BARD1: variants seen among roughly 807,000 people sequenced by gnomAD.
BARD1 encodes the protein BRCA1 associated RING domain 1, also known as BRCA1-associated RING domain protein 1.
BARD1 carries 73 observed loss-of-function variants against 77.0 expected under a neutral mutation model. The observed-to-expected ratio is 0.95, with a 90% CI of 0.79 to 1.15. BARD1 has a LOEUF of 1.15. Ranked by LOEUF, BARD1 falls within the 50% of genes most tolerant of loss-of-function variation. The probability of loss-of-function intolerance (pLI) is 0.00; values close to 1 mark genes in which losing one functional copy is unlikely to be tolerated. For synonymous variants in BARD1, 384 were observed against 338.0 expected (o/e 1.14, Z -1.49); for missense variants, 993 against 938.8 (o/e 1.06, Z -0.75).
At chr2:214,792,150 T>TAAA (rs536345234) in intron 3 of BARD1, 147 bp downstream of exon 3, 2,232 of 568,330 alleles carry the variant, frequency 3.9e-3, no homozygotes, top group Middle Eastern at 5.8e-3. Context: ...AATGGCTATT[T>TAAA]AAAAAAAAAA....
At chr2:214,782,350 T>C (rs1177718724) in intron 3 of BARD1, among the ~76,000 whole-genome samples, 1 of 152,112 alleles carries the variant, frequency 6.6e-6, no homozygotes. Flanking sequence ...TGGTTACCCC[T>C]ACAGGGAAAA....
chr2:214,747,739 G>A (rs1245382830), intron 7 of BARD1, among the ~76,000 whole-genome samples: 2 of 147,982 alleles, frequency 1.4e-5, no homozygotes. Flanking sequence ...ATAGCATTAG[G>A]AGATATACCT....
In BARD1 at chr2:214,781,412, G is replaced by T. The variant is rs2106112308; in HGVS notation, c.462C>A (p.Val154=). Residue 154 remains valine (V), a synonymous_variant, in exon 4 of 11, where the codon GTC becomes GTA. Coordinates refer to ENST00000260947, the MANE Select transcript of BARD1 (RefSeq NM_000465.4). ...CTGAAGCTTTACTCACAACATATCT[G>T]ACTTTCTTACTTCGAGGGCTAAACC... The part of the protein sequence containing the change: ...KMWFSPRSKK[V]RYVVSKASVQ... 1 of 1,613,428 alleles carries T rather than the reference G, an allele frequency of 6.2e-7. No homozygotes were observed. The highest frequency in any genetic ancestry group is 1.1e-5 in the South Asian group (1 of 91,002).
At position 214,736,778 on chromosome 2, in the gene BARD1, G is replaced by T. The variant is rs77028294; in HGVS notation, c.1904-6270C>A. Among the ~76,000 whole-genome samples, 209 of 152,246 alleles carry T rather than the reference G, an allele frequency of 1.4e-3. 1 individual carries two copies. The highest frequency in any genetic ancestry group is 4.7e-3 in the African/African-American group (194 of 41,572). The stretch of plus-strand genomic sequence containing the variant: ...CTTCCATGAGAAGGAGCCAGTGTAA[G>T]TCTTAATTCATTAAATATTCTGTTT... On this transcript the variant is annotated intron_variant, in intron 9 of 10. Coordinates refer to ENST00000260947, the MANE Select transcript of BARD1 (RefSeq NM_000465.4).
At chr2:214,764,139 AGGAGGC>A (rs1694088598) in intron 6 of BARD1, among the ~76,000 whole-genome samples, 1 of 152,238 alleles carries the variant, frequency 6.6e-6, no homozygotes, top group African/African-American at 2.4e-5. Context: ...TAGTGGCAGA[AGGAGGC>A]AATTCCCATT....
intron 1 of BARD1, among the ~76,000 whole-genome samples, chr2:214,797,336 G>GT (rs1258080283): frequency 6.6e-6 from 1 of 152,194 alleles, no homozygotes; most frequent in East Asian, 1.9e-4. Flanking sequence ...CTGGGTACAA[G>GT]TTGTAATACA....
chr2:214,783,502 A>C (rs1013405027), intron 3 of BARD1, among the ~76,000 whole-genome samples: 3 of 152,164 alleles, frequency 2.0e-5, no homozygotes, highest in African/African-American at 7.2e-5. Context: ...TATAAGTGGA[A>C]GTTAAACAAT....
intron 3 of BARD1, among the ~76,000 whole-genome samples, chr2:214,786,467 C>T (rs1695282105): frequency 6.6e-6 from 1 of 151,968 alleles, no homozygotes; most frequent in Admixed American, 6.6e-5. Flanking sequence ...ATTGCTTCTT[C>T]TGCCTATTCT....
At chr2:214,747,607 T>C (rs1210028200) in intron 7 of BARD1, among the ~76,000 whole-genome samples, 2 of 145,310 alleles carry the variant, frequency 1.4e-5, no homozygotes, top group Non-Finnish European at 3.0e-5. Context: ...ATTGCAAGGA[T>C]AAAAAACCAA....
At chr2:214,775,069 A>G (rs928442728) in intron 4 of BARD1, among the ~76,000 whole-genome samples, 2 of 152,150 alleles carry the variant, frequency 1.3e-5, no homozygotes, top group Non-Finnish European at 2.9e-5. Flanking sequence ...CTCTCCTCAT[A>G]TCGGCAGTAA....
intron 7 of BARD1, among the ~76,000 whole-genome samples, chr2:214,751,730 T>G (rs78493739): frequency 6.6e-6 from 1 of 152,166 alleles, no homozygotes; most frequent in South Asian, 2.1e-4. Context: ...AATTGGCACA[T>G]AGAACTATTG....
At chr2:214,752,388 C>G in intron 7 of BARD1, 59 bp downstream of exon 7, 1 of 1,430,382 alleles carries the variant, frequency 7.0e-7, no homozygotes, top group East Asian at 2.3e-5. Context: ...CTATTATGTT[C>G]CTTTCATAAC....
chr2:214,783,677 G>A (rs1251363937), intron 3 of BARD1, among the ~76,000 whole-genome samples: 3 of 151,996 alleles, frequency 2.0e-5, no homozygotes, highest in Admixed American at 6.6e-5. Context: ...TAGATATATA[G>A]ACCAATGGAA....
chr2:214,804,862 A>G (rs1359594645), intron 1 of BARD1, among the ~76,000 whole-genome samples: 1 of 152,130 alleles, frequency 6.6e-6, no homozygotes, highest in Non-Finnish European at 1.5e-5. Flanking sequence ...GCTCCATTTT[A>G]AAAATCTATT....
intron 9 of BARD1, 128 bp downstream of exon 9, chr2:214,744,939 T>C (rs1312458630): frequency 8.9e-6 from 8 of 896,950 alleles, no homozygotes; most frequent in African/African-American, 1.7e-5. Context: ...CCAGAAGCTT[T>C]TCCAAAATGC....
Position 214,781,271 on chromosome 2 carries a change from T to C in BARD1, c.603A>G (p.Arg201=), listed in dbSNP as rs763737020. The change falls in exon 4 of 11, where the codon AGA becomes AGG. Residue 201 remains arginine (R), a synonymous_variant. Transcript: ENST00000260947. ...TTTTCTTTTTTTGCTTTTTTCCAGA[T>C]CTTGCAGAAGCCTTTTTAGCCCTCT... ...VSERAKKASA[R]SGKKQKKKTL... The C allele has an allele frequency of 1.9e-6, 3 of 1,597,920 alleles. No homozygotes were observed. The highest frequency in any genetic ancestry group is 2.6e-6 in the Non-Finnish European group (3 of 1,176,060).
At chr2:214,774,835 T>C (rs1694667528) in intron 4 of BARD1, among the ~76,000 whole-genome samples, 1 of 152,244 alleles carries the variant, frequency 6.6e-6, no homozygotes, top group Non-Finnish European at 1.5e-5. Context: ...CTGCTGCAGT[T>C]TCTCCATCAG....
chr2:214,781,154 T>C lies in BARD1; in HGVS notation c.720A>G (p.Val240=). 1.3e-6 allele frequency: 2 copies of C among 1,577,162 alleles called. No homozygotes were observed. Among genetic ancestry groups the C allele is most frequent in the Non-Finnish European group, 1.7e-6 (2 of 1,167,408 alleles). Residue 240 remains valine, a synonymous_variant, in exon 4 of 11, where the codon GTA becomes GTG. Transcript: ENST00000260947. The part of the protein sequence containing the change: ...DSKEESKQKL[V]SFCSQPSVIS... ...TAACAGATGGTTGGCTACAGAAGGA[T>C]ACCAGCTTTTGCTTAGATTCCTCTT...
At position 214,728,544 on chromosome 2, in the gene BARD1, T is replaced by TC. The variant is rs1692181738; in HGVS notation, c.*131_*132insG. On this transcript the variant is annotated 3_prime_UTR_variant, in exon 11 of 11. Coordinates refer to ENST00000260947, the MANE Select transcript of BARD1 (RefSeq NM_000465.4). Reference sequence around the variant, plus strand: ...TCCTAATCTGGCATTAGACTTTTTTTTTTTTTTTGATTCAAAGACAAATAT... The same window carrying TC: ...TCCTAATCTGGCATTAGACTTTTTTTCTTTTTTTTGATTCAAAGACAAATAT... 2.5e-5 allele frequency: 22 copies of TC among 874,378 alleles called. No individual in the cohort carries two copies. In the East Asian group the frequency reaches 5.9e-4, roughly 23 times the overall value. The allele number at this position is 874,378 out of a possible 1,614,324, so 54.2% of individuals were successfully genotyped here.
Sources: gnomAD v4.1 joint callset for allele counts (sites outside exome capture counted in the v4.1 genomes callset) on GRCh38, gnomAD v4.1.1 for gene constraint, MANE v1.5 for transcripts, NCBI Gene and HGNC (gene_info 2026-07-23, HGNC 2026-07-21) for gene names.